DPYD: variants seen among roughly 807,000 people sequenced by gnomAD.
The protein encoded by DPYD is dihydropyrimidine dehydrogenase.
DPYD carries 109 observed loss-of-function variants against 116.2 expected under a neutral mutation model. That is an observed-to-expected ratio of 0.94 (90% CI 0.80 to 1.10). DPYD has a LOEUF of 1.10. Among genes scored for constraint, DPYD ranks in the 50% least tolerant of loss-of-function variants. The pLI is 0.00. For missense variants in DPYD, 1,302 were observed against 1,254.5 expected, an observed-to-expected ratio of 1.04 and a Z score of -0.57; for synonymous variants, 440 against 432.0, an observed-to-expected ratio of 1.02 and a Z score of -0.23.
intron 3 of DPYD, among the ~76,000 whole-genome samples, chr1:97,790,072 G>A (rs1052346446): frequency 1.3e-5 from 2 of 152,102 alleles, no homozygotes; most frequent in African/African-American, 4.8e-5. Flanking sequence ...GTCTAATGAG[G>A]AGCCACATTA....
chr1:97,595,741 C>G (rs1482731534), intron 8 of DPYD, among the ~76,000 whole-genome samples: 1 of 151,310 alleles, frequency 6.6e-6, no homozygotes, highest in Non-Finnish European at 1.5e-5. Context: ...ATAAATTCTC[C>G]AAATCAGTAA....
intron 1 of DPYD, among the ~76,000 whole-genome samples, chr1:97,888,622 T>C (rs1451145766): frequency 6.7e-6 from 1 of 150,106 alleles, no homozygotes; most frequent in Non-Finnish European, 1.5e-5. Flanking sequence ...AAATCTTGAA[T>C]GTAGCAAAAA....
chr1:97,694,865 T>C (rs1421326280), intron 6 of DPYD, among the ~76,000 whole-genome samples: 1 of 152,212 alleles, frequency 6.6e-6, no homozygotes, highest in East Asian at 1.9e-4. Context: ...AATTCTCTGG[T>C]GAGTCTAAAT....
Position 97,806,234 on chromosome 1 carries a change from T to C in DPYD, c.233+21880A>G, listed in dbSNP as rs146076382. ...TATAATCTTACACATTTTATTTTCT[T>C]GCCATAATGGAAGAAAATTAGAAGT... On this transcript the variant is annotated intron_variant, in intron 3 of 22. Transcript: ENST00000370192. 3.4e-3 allele frequency among the ~76,000 whole-genome samples: 511 copies of C among 152,102 alleles called. 1 individual carries two copies. The highest frequency in any genetic ancestry group is 0.011 in the African/African-American group (467 of 41,548).
At chr1:97,886,204 GATGGGTATAGCTCAAAACACA>G (rs1240270096) in intron 1 of DPYD, among the ~76,000 whole-genome samples, 15 of 152,110 alleles carry the variant, frequency 9.9e-5, no homozygotes, top group African/African-American at 3.6e-4. Flanking sequence ...TTCTACCTCA[GATGGGTATAGCTCAAAACACA>G]GAGCTCGCTC....
At position 97,078,483 on chromosome 1, in the gene DPYD, CTT is replaced by C. The variant is rs367554694; in HGVS notation, c.*491_*492del. 8.6e-5 allele frequency: 15 copies of C among 174,680 alleles called. No individual in the cohort carries two copies. Among genetic ancestry groups the C allele is most frequent in the African/African-American group, 3.4e-4 (14 of 41,540 alleles). The allele number at this position is 174,680 out of a possible 1,614,324, so 10.8% of individuals were successfully genotyped here. ...AATTTTTTGACTTTCTTCATTTGTA[CTT>C]TATGGAGCTAACTACATTTTCTTAG... On this transcript the variant is annotated 3_prime_UTR_variant, in exon 23 of 23. Coordinates refer to ENST00000370192, the MANE Select transcript of DPYD (RefSeq NM_000110.4).
intron 1 of DPYD, among the ~76,000 whole-genome samples, chr1:97,888,548 C>A (rs1672617069): frequency 6.7e-6 from 1 of 150,240 alleles, no homozygotes; most frequent in Admixed American, 6.6e-5. Context: ...GTGAAGTATG[C>A]TAAATGTAAA....
intron 2 of DPYD, among the ~76,000 whole-genome samples, chr1:97,873,401 A>T (rs1671753343): frequency 1.3e-5 from 2 of 151,890 alleles, no homozygotes; most frequent in Non-Finnish European, 2.9e-5. Flanking sequence ...AATTGAATTA[A>T]TGCCCAAAAA....
chr1:97,401,416 C>T (rs564882260), intron 14 of DPYD, among the ~76,000 whole-genome samples: 12 of 152,150 alleles, frequency 7.9e-5, no homozygotes, highest in South Asian at 4.1e-4. Context: ...CAGATTCAAG[C>T]GATTCTCCTG....
intron 18 of DPYD, among the ~76,000 whole-genome samples, chr1:97,284,995 T>C (rs1012142514): frequency 4.6e-5 from 7 of 152,158 alleles, no homozygotes; most frequent in Non-Finnish European, 8.8e-5. Context: ...AAATCCCCTT[T>C]TCAGGACTAG....
chr1:97,764,082 G>A (rs1665721944), intron 3 of DPYD, among the ~76,000 whole-genome samples: 1 of 151,910 alleles, frequency 6.6e-6, no homozygotes, highest in Admixed American at 6.6e-5. Context: ...GAGACGGGAG[G>A]AAAGACAAAG....
chr1:97,356,370 A>T (rs1046336942), intron 16 of DPYD, among the ~76,000 whole-genome samples: 8 of 152,086 alleles, frequency 5.3e-5, no homozygotes, highest in African/African-American at 1.9e-4. Context: ...TTTTCTTCAA[A>T]TCCATGGGTT....
chr1:97,097,215 G>A (rs1275995682), intron 21 of DPYD, among the ~76,000 whole-genome samples: 3 of 152,182 alleles, frequency 2.0e-5, no homozygotes, highest in Admixed American at 6.6e-5. Flanking sequence ...GCATTGAAGT[G>A]CTGGCACGCT....
At chr1:97,470,574 T>C (rs1677589296) in intron 13 of DPYD, among the ~76,000 whole-genome samples, 1 of 152,196 alleles carries the variant, frequency 6.6e-6, no homozygotes, top group Admixed American at 6.5e-5. Context: ...AGAGGTTGTA[T>C]ATAGCTGTAA....
chr1:97,397,013 A>G (rs909256999), intron 14 of DPYD, among the ~76,000 whole-genome samples: 1 of 152,006 alleles, frequency 6.6e-6, no homozygotes. Flanking sequence ...ACCTCACTCA[A>G]TGTGAGAACA....
chr1:97,345,354 T>C (rs1007116006), intron 16 of DPYD, among the ~76,000 whole-genome samples: 7 of 151,948 alleles, frequency 4.6e-5, no homozygotes, highest in African/African-American at 1.7e-4. Flanking sequence ...CTATTTGTCA[T>C]TGCTTTTCTT....
intron 8 of DPYD, among the ~76,000 whole-genome samples, chr1:97,656,706 C>A (rs187096869): frequency 3.0e-4 from 46 of 152,234 alleles, no homozygotes; most frequent in African/African-American, 9.9e-4. Context: ...TAGAGATACA[C>A]TTGCATTTGG....
chr1:97,407,130 A>C (rs190501939), intron 14 of DPYD, among the ~76,000 whole-genome samples: 1 of 152,306 alleles, frequency 6.6e-6, no homozygotes, highest in East Asian at 1.9e-4. Context: ...AAAAAGGTTA[A>C]TAATTAATGT....
At chr1:97,462,216 A>C (rs1182390592) in intron 13 of DPYD, among the ~76,000 whole-genome samples, 3 of 152,238 alleles carry the variant, frequency 2.0e-5, no homozygotes, top group Non-Finnish European at 4.4e-5. Flanking sequence ...TACTACAGAA[A>C]AAAATGAATA....
Sources: allele counts gnomAD v4.1 joint callset (sites outside exome capture counted in the v4.1 genomes callset), GRCh38; gene constraint gnomAD v4.1.1; transcripts MANE v1.5; gene names NCBI Gene and HGNC (gene_info 2026-07-23, HGNC 2026-07-21).